The following SASH1 variants were observed in gnomAD, a reference collection of about 807,000 sequenced individuals.
The protein encoded by SASH1 is SAM and SH3 domain containing 1, also known as SAM and SH3 domain-containing protein 1.
A neutral mutation model predicts 125.2 loss-of-function variants in SASH1; 44 were observed. That is an observed-to-expected ratio of 0.35 (90% CI 0.28 to 0.45). SASH1 has a LOEUF of 0.45. Ranked by LOEUF, SASH1 falls within the 20% of genes least tolerant of loss-of-function variation. The probability of loss-of-function intolerance (pLI) is 1.00; values close to 1 mark genes in which losing one functional copy is unlikely to be tolerated. For synonymous variants in SASH1, 639 were observed against 649.1 expected, an observed-to-expected ratio of 0.98 and a Z score of 0.24; for missense variants, 1,426 against 1,614.5, an observed-to-expected ratio of 0.88 and a Z score of 2.00.
At chr6:148,261,656 C>A in the SASH1 span, among the ~76,000 whole-genome samples, 1 of 152,118 alleles carries the variant, frequency 6.6e-6, no homozygotes, top group Non-Finnish European at 1.5e-5. Context: ...TGCCACCAGC[C>A]CATATCTTTG....
In SASH1 at chr6:148,291,861, G is replaced by A. The variant is rs546297295; in HGVS notation, n.74+19484G>A. ...TTCTTGTTGTTGCTGATTTCCCAGCGGGTACTGGGGATAAGGTTAAAGAAA... is the reference window on the plus strand; with the variant it reads ...TTCTTGTTGTTGCTGATTTCCCAGCAGGTACTGGGGATAAGGTTAAAGAAA... On this transcript the variant is annotated intron_variant and non_coding_transcript_variant, in intron 1 of 3. Coordinates refer to the SASH1 transcript ENST00000367469. Among the ~76,000 whole-genome samples, 33 of 152,188 alleles carry A rather than the reference G, an allele frequency of 2.2e-4. 1 individual carries two copies. In the South Asian group the frequency reaches 4.8e-3, roughly 22 times the overall value.
the SASH1 span, among the ~76,000 whole-genome samples, chr6:148,199,688 CT>C: frequency 1.3e-5 from 2 of 149,670 alleles, no homozygotes; most frequent in African/African-American, 4.9e-5. Context: ...CAGAGCAAGA[CT>C]TTGTCTTGGG....
chr6:148,344,841 C>T (rs902803291), intron 1 of SASH1, among the ~76,000 whole-genome samples: 10 of 151,700 alleles, frequency 6.6e-5, no homozygotes, highest in South Asian at 2.1e-4. Context: ...CTGCAACCTC[C>T]GCCTCCTGAG....
chr6:148,320,617 C>T (rs1029370877), intron 1 of SASH1, among the ~76,000 whole-genome samples: 2 of 152,330 alleles, frequency 1.3e-5, no homozygotes, highest in African/African-American at 4.8e-5. Flanking sequence ...CAACCTCCTT[C>T]GCTTACAGCC....
chr6:148,454,409 T>C (rs1463350578), intron 4 of SASH1, among the ~76,000 whole-genome samples: 3 of 152,240 alleles, frequency 2.0e-5, no homozygotes, highest in Non-Finnish European at 4.4e-5. Flanking sequence ...CCTGGAACTA[T>C]GCAAGGAAGA....
intron 1 of SASH1, among the ~76,000 whole-genome samples, chr6:148,297,106 C>A (rs1451711072): frequency 2.0e-5 from 3 of 152,166 alleles, no homozygotes; most frequent in Non-Finnish European, 2.9e-5. Flanking sequence ...TGGAAGAGCA[C>A]CCTGAAGAGA....
At chr6:148,202,741 G>C in the SASH1 span, among the ~76,000 whole-genome samples, 1 of 152,172 alleles carries the variant, frequency 6.6e-6, no homozygotes, top group Non-Finnish European at 1.5e-5. Flanking sequence ...GATCACCTGA[G>C]TCAGGAGTTC....
chr6:148,234,845 A>G, the SASH1 span, among the ~76,000 whole-genome samples: 1 of 150,454 alleles, frequency 6.6e-6, no homozygotes, highest in Non-Finnish European at 1.5e-5. Flanking sequence ...AAAAAAAAAG[A>G]AGGAGGAGGA....
intron 2 of SASH1, among the ~76,000 whole-genome samples, chr6:148,413,788 C>G (rs1408492730): frequency 6.6e-6 from 1 of 152,148 alleles, no homozygotes; most frequent in Non-Finnish European, 1.5e-5. Context: ...ACCCCTCTCC[C>G]ATTCCTTCTC....
upstream of SASH1, among the ~76,000 whole-genome samples, chr6:148,338,425 T>TC (rs1554237060): frequency 1.5e-5 from 1 of 68,268 alleles, no homozygotes; most frequent in African/African-American, 5.3e-5. Context: ...AGACTCCATC[T>TC]CAAAAAAAAA....
Position 148,544,943 on chromosome 6 carries a change from A to C in SASH1, c.3348+125A>C. The C allele has an allele frequency of 1.2e-6, 1 of 845,942 alleles. No individual in the cohort carries two copies. Among genetic ancestry groups the C allele is most frequent in the East Asian group, 2.7e-5 (1 of 37,406 alleles). 52.4% of individuals were successfully genotyped at this position (845,942 alleles called of 1,614,324 possible). A position where few individuals can be genotyped will look rare whatever the true frequency, so the allele number is the denominator to read the frequency against. Reference sequence around the variant, plus strand: ...CGCCCAGTGGACAGGAGACACCTGAATCCACGTGTCCACACCTTACTTGAC... The same window carrying C: ...CGCCCAGTGGACAGGAGACACCTGACTCCACGTGTCCACACCTTACTTGAC... On this transcript the variant is annotated intron_variant, in intron 18 of 19. Transcript: ENST00000367467. The surrounding 1 kb of genome is among the most constrained non-coding windows in gnomAD (Gnocchi z 6.4).
At chr6:148,280,713 CAGG>C (rs1415492802) in intron 1 of SASH1, among the ~76,000 whole-genome samples, 1 of 152,064 alleles carries the variant, frequency 6.6e-6, no homozygotes, top group East Asian at 1.9e-4. Flanking sequence ...GAGGCTGCAG[CAGG>C]AGATTCGCTT....
chr6:148,439,871 A>AGT (rs561419684), intron 2 of SASH1, among the ~76,000 whole-genome samples: 7 of 152,204 alleles, frequency 4.6e-5, no homozygotes, highest in Non-Finnish European at 8.8e-5. Context: ...TGACCAACTA[A>AGT]GTATATCCAC....
chr6:148,239,423 C>T, the SASH1 span, among the ~76,000 whole-genome samples: 1 of 152,178 alleles, frequency 6.6e-6, no homozygotes, highest in Non-Finnish European at 1.5e-5. Context: ...CGTAACAGGG[C>T]GTGGATTTGA....
intron 1 of SASH1, among the ~76,000 whole-genome samples, chr6:148,384,869 AC>A (rs931910523): frequency 6.6e-6 from 1 of 152,050 alleles, no homozygotes; most frequent in African/African-American, 2.4e-5. Flanking sequence ...GTTTCCTCCC[AC>A]CCCCATATAA....
intron 1 of SASH1, among the ~76,000 whole-genome samples, chr6:148,323,993 G>A (rs1284989581): frequency 6.6e-6 from 1 of 151,572 alleles, no homozygotes; most frequent in Non-Finnish European, 1.5e-5. Flanking sequence ...GGCGGAACAC[G>A]CCTGTAGTCC....
the SASH1 span, among the ~76,000 whole-genome samples, chr6:148,219,574 A>T: frequency 2.6e-5 from 4 of 152,246 alleles, no homozygotes; most frequent in East Asian, 5.8e-4. Context: ...CAAACAACGC[A>T]GATACAGGTG....
At chr6:148,407,822 G>A in intron 2 of SASH1, among the ~76,000 whole-genome samples, 1 of 152,008 alleles carries the variant, frequency 6.6e-6, no homozygotes, top group Non-Finnish European at 1.5e-5. Context: ...TGGTAGAGAT[G>A]GGGTTTCACC....
upstream of SASH1, among the ~76,000 whole-genome samples, chr6:148,339,107 G>A (rs1257191968): frequency 4.6e-5 from 7 of 151,920 alleles, no homozygotes; most frequent in African/African-American, 7.2e-5. Flanking sequence ...GAAAAGAGTC[G>A]TCAATCTTGG....
Sources: allele counts gnomAD v4.1 joint callset (sites outside exome capture counted in the v4.1 genomes callset), GRCh38; gene constraint gnomAD v4.1.1; non-coding constraint Gnocchi (gnomAD v3.1); transcripts MANE v1.5; gene names NCBI Gene and HGNC (gene_info 2026-07-23, HGNC 2026-07-21).